The following AHI1 variants were observed in gnomAD, a reference collection of about 807,000 sequenced individuals.
AHI1 encodes the protein Abelson helper integration site 1.
Under a neutral mutation model 149.3 loss-of-function variants are expected in AHI1, and 123 were observed. The ratio of observed to expected loss-of-function variants is 0.82; its 90% CI spans 0.71 to 0.96. The LOEUF is 0.96. AHI1 is among the 40% of genes least tolerant of loss of function. The pLI is 0.00. For synonymous variants in AHI1, 475 were observed against 459.8 expected (o/e 1.03, Z -0.42); for missense variants, 1,439 against 1,422.7 (o/e 1.01, Z -0.18).
chr6:135,475,522 T>TTGG (rs1351345879), intron 5 of AHI1, among the ~76,000 whole-genome samples: 1 of 152,222 alleles, frequency 6.6e-6, no homozygotes, highest in Non-Finnish European at 1.5e-5. Flanking sequence ...TGTTTTTGCT[T>TTGG]TGGGGGTTTG....
chr6:135,466,386 G>T lies in AHI1; in HGVS notation c.190-13C>A, dbSNP rs1790769905. On this transcript the variant is annotated splice_polypyrimidine_tract_variant and intron_variant, in intron 6 of 28. Coordinates refer to ENST00000265602, the MANE Select transcript of AHI1 (RefSeq NM_001134831.2). Reference sequence around the variant, plus strand: ...TAATAGTGTCGGGCTAGGAAAAGAAGACATGATAACAAAGTTTCAGTTACA... The same window carrying T: ...TAATAGTGTCGGGCTAGGAAAAGAATACATGATAACAAAGTTTCAGTTACA... The T allele has an allele frequency of 1.2e-6, 2 of 1,606,102 alleles. No homozygotes were observed. The highest frequency in any genetic ancestry group is 1.1e-5 in the South Asian group (1 of 89,730).
intron 24 of AHI1, among the ~76,000 whole-genome samples, chr6:135,332,272 G>A (rs1193957432): frequency 3.9e-5 from 6 of 152,174 alleles, no homozygotes; most frequent in Non-Finnish European, 8.8e-5. Context: ...GTTTCACCAC[G>A]TTGGTCAGGC....
chr6:135,304,382 G>T lies in AHI1; in HGVS notation c.3427-3824C>A, dbSNP rs138205197. On this transcript the variant is annotated intron_variant, in intron 26 of 28. Coordinates refer to ENST00000265602, the MANE Select transcript of AHI1 (RefSeq NM_001134831.2). The stretch of plus-strand genomic sequence containing the variant: ...TTCAGAATTACTGATAATGTATCTG[G>T]TTTACTTGATGTTAAATCCTCCAAT... Among the ~76,000 whole-genome samples the T allele has an allele frequency of 1.3e-3, 199 of 152,234 alleles. 1 individual carries two copies. The highest frequency in any genetic ancestry group is 4.6e-3 in the African/African-American group (193 of 41,540).
At chr6:135,298,541 T>C (rs1290669826) in intron 27 of AHI1, among the ~76,000 whole-genome samples, 2 of 152,226 alleles carry the variant, frequency 1.3e-5, no homozygotes, top group Admixed American at 6.5e-5. Flanking sequence ...ATGACTTCTT[T>C]GTACATGCTG....
chr6:135,477,376 A>AT (rs1160695638), intron 5 of AHI1, among the ~76,000 whole-genome samples: 3 of 152,030 alleles, frequency 2.0e-5, no homozygotes, highest in Non-Finnish European at 4.4e-5. Flanking sequence ...TTCTCAATAG[A>AT]TTTTTGTGAT....
intron 26 of AHI1, chr6:135,300,875 T>A (rs1348185273): frequency 9.6e-7 from 1 of 1,042,266 alleles, no homozygotes; most frequent in Non-Finnish European, 1.2e-6. Context: ...CAATACAATG[T>A]GGTATATTAC....
chr6:135,347,005 TTGACTAAGGTTCTA>T (rs1791332914), intron 24 of AHI1, among the ~76,000 whole-genome samples: 1 of 152,206 alleles, frequency 6.6e-6, no homozygotes, highest in Non-Finnish European at 1.5e-5. Context: ...TCCCAGGAAA[TTGACTAAGGTTCTA>T]TCCACTAGCC....
intron 20 of AHI1, among the ~76,000 whole-genome samples, chr6:135,425,892 G>C (rs1258953703): frequency 6.6e-6 from 1 of 151,844 alleles, no homozygotes; most frequent in Non-Finnish European, 1.5e-5. Context: ...CAACTTTAAT[G>C]TGTATGTGTA....
intron 21 of AHI1, among the ~76,000 whole-genome samples, chr6:135,408,020 G>T (rs1781048981): frequency 6.6e-6 from 1 of 150,758 alleles, no homozygotes; most frequent in Non-Finnish European, 1.5e-5. Context: ...GGGCGACAGA[G>T]TGAGATTCCG....
chr6:135,306,959 C>T (rs1784597651), intron 26 of AHI1: 1 of 152,206 alleles, frequency 6.6e-6, no homozygotes, highest in Admixed American at 6.5e-5. Flanking sequence ...GGGTTACCCA[C>T]TTCCTCTTTT....
intron 13 of AHI1, among the ~76,000 whole-genome samples, chr6:135,446,768 A>T (rs1016823609): frequency 6.6e-6 from 1 of 152,248 alleles, no homozygotes; most frequent in Non-Finnish European, 1.5e-5. Context: ...ATTTTGTTAT[A>T]GCAGCCCAAG....
Position 135,427,151 on chromosome 6 carries a change from C to A in AHI1, c.2764+16G>T. 6.2e-7 allele frequency: 1 copy of A among 1,605,438 alleles called. No individual in the cohort carries two copies. The highest frequency in any genetic ancestry group is 1.1e-5 in the South Asian group (1 of 89,866). ...GTTACTCTAAAAATTCTTTACTTAT[C>A]AAGTGGTAGACTTACCATGGAAATC... On this transcript the variant is annotated intron_variant, in intron 20 of 28. Transcript: ENST00000265602.
chr6:135,426,748 G>A lies in AHI1; in HGVS notation c.2764+419C>T, dbSNP rs534101298. Among the ~76,000 whole-genome samples the A allele has an allele frequency of 1.7e-3, 256 of 151,602 alleles. 2 individuals are homozygous for A. Among genetic ancestry groups the A allele is most frequent in the African/African-American group, 5.7e-3 (238 of 41,470 alleles). ...CTCAGAATGATAGAATAGTGTAATT[G>A]CGGACACGAAAGACATTAGATTTCT... On this transcript the variant is annotated intron_variant, in intron 20 of 28. Coordinates refer to ENST00000265602, the MANE Select transcript of AHI1 (RefSeq NM_001134831.2).
chr6:135,410,414 A>C (rs1304584278), intron 21 of AHI1, among the ~76,000 whole-genome samples: 1 of 152,224 alleles, frequency 6.6e-6, no homozygotes, highest in Non-Finnish European at 1.5e-5. Context: ...CTCATTTTAT[A>C]GATGAGGAAA....
intron 24 of AHI1, among the ~76,000 whole-genome samples, chr6:135,334,793 C>T (rs1789125143): frequency 6.6e-6 from 1 of 152,142 alleles, no homozygotes; most frequent in African/African-American, 2.4e-5. Flanking sequence ...TTATGAATCA[C>T]TGATTTAGAT....
At chr6:135,479,080 C>T (rs964384783) in intron 5 of AHI1, among the ~76,000 whole-genome samples, 2 of 152,260 alleles carry the variant, frequency 1.3e-5, no homozygotes, top group African/African-American at 4.8e-5. Flanking sequence ...GCTTGGATGT[C>T]CAGGTAGAAG....
chr6:135,462,428 G>T (rs1222580787), intron 8 of AHI1, among the ~76,000 whole-genome samples: 1 of 151,664 alleles, frequency 6.6e-6, no homozygotes, highest in Non-Finnish European at 1.5e-5. Context: ...TACCATGTTG[G>T]ACAGGATGCA....
At chr6:135,397,935 T>C (rs1779453069) in intron 22 of AHI1, among the ~76,000 whole-genome samples, 1 of 152,036 alleles carries the variant, frequency 6.6e-6, no homozygotes, top group South Asian at 2.1e-4. Flanking sequence ...AGTTCACAAA[T>C]TCATCTCTCT....
chr6:135,386,990 C>G (rs1360851322), intron 23 of AHI1, among the ~76,000 whole-genome samples: 1 of 152,046 alleles, frequency 6.6e-6, no homozygotes, highest in Non-Finnish European at 1.5e-5. Context: ...TCAAGTGATC[C>G]TGCCATTTCA....
Sources: allele counts gnomAD v4.1 joint callset (sites outside exome capture counted in the v4.1 genomes callset), GRCh38; gene constraint gnomAD v4.1.1; transcripts MANE v1.5; gene names NCBI Gene and HGNC (gene_info 2026-07-23, HGNC 2026-07-21).